Variants in BBX observed in about 807,000 individuals in gnomAD.
The protein encoded by BBX is HMG box transcription factor BBX.
In BBX, 30 loss-of-function variants were observed where a neutral mutation model predicts 100.2. That is an observed-to-expected ratio of 0.30 (90% confidence interval 0.22 to 0.41). The LOEUF is 0.41. Among genes scored for constraint, BBX ranks in the 10% least tolerant of loss-of-function variants. The probability of loss-of-function intolerance (pLI) is 1.00; values close to 1 mark genes in which losing one functional copy is unlikely to be tolerated. For synonymous variants in BBX, 376 were observed against 388.1 expected (o/e 0.97, Z 0.37); for missense variants, 1,023 against 1,129.8 (o/e 0.91, Z 1.35).
chr3:107,635,208 GTTTAC>G (rs765738729), intron 2 of BBX, among the ~76,000 whole-genome samples: 2 of 152,142 alleles, frequency 1.3e-5, no homozygotes, highest in African/African-American at 4.8e-5. Context: ...TATTGATATA[GTTTAC>G]TTTAACTCCT....
chr3:107,762,037 C>A (rs953385850), intron 10 of BBX, among the ~76,000 whole-genome samples: 1 of 152,072 alleles, frequency 6.6e-6, no homozygotes, highest in Non-Finnish European at 1.5e-5. Flanking sequence ...TAAGGGGACC[C>A]GTGTGGTGGG....
chr3:107,538,581 T>C (rs1363622602), intron 2 of BBX, among the ~76,000 whole-genome samples: 1 of 152,144 alleles, frequency 6.6e-6, no homozygotes, highest in African/African-American at 2.4e-5. Context: ...TAGAACTATA[T>C]ATATATTTTT....
intron 3 of BBX, among the ~76,000 whole-genome samples, chr3:107,681,509 T>A (rs2059573162): frequency 6.6e-6 from 1 of 151,808 alleles, no homozygotes; most frequent in South Asian, 2.1e-4. Context: ...GGTGTAGGGG[T>A]CAAAGGGCAG....
At chr3:107,674,037 C>T (rs999437686) in intron 3 of BBX, among the ~76,000 whole-genome samples, 49 of 152,200 alleles carry the variant, frequency 3.2e-4, no homozygotes, top group African/African-American at 1.2e-3. Flanking sequence ...AAAATGCATT[C>T]AAACATATAT....
In BBX at chr3:107,728,688, G is replaced by T. The variant is rs1576533071; in HGVS notation, c.406-77G>T. On this transcript the variant is annotated intron_variant, in intron 5 of 17. Transcript: ENST00000325805. ...TTTTCTCACTTGGTATCTAAATAGGGGAATGGGGTGACAGCCTTTAGAACT... is the reference window on the plus strand; with the variant it reads ...TTTTCTCACTTGGTATCTAAATAGGTGAATGGGGTGACAGCCTTTAGAACT... The T allele has an allele frequency of 2.3e-6, 3 of 1,310,928 alleles. No individual in the cohort carries two copies. In the South Asian group the frequency reaches 4.2e-5, roughly 18 times the overall value. 81.2% of individuals were successfully genotyped at this position (1,310,928 alleles called of 1,614,324 possible). A position where few individuals can be genotyped will look rare whatever the true frequency, so the allele number is the denominator to read the frequency against.
intron 2 of BBX, among the ~76,000 whole-genome samples, chr3:107,631,857 A>G (rs1392276607): frequency 2.6e-5 from 4 of 152,236 alleles, no homozygotes; most frequent in Admixed American, 2.0e-4. Flanking sequence ...GTTACATTAA[A>G]TGTGTTATAT....
At chr3:107,532,154 A>T (rs1452791364) in intron 2 of BBX, among the ~76,000 whole-genome samples, 1 of 151,964 alleles carries the variant, frequency 6.6e-6, no homozygotes, top group Non-Finnish European at 1.5e-5. Flanking sequence ...TGATCGTGTC[A>T]CCGCACTCCA....
chr3:107,635,547 T>C (rs2056797180), intron 2 of BBX, among the ~76,000 whole-genome samples: 1 of 152,160 alleles, frequency 6.6e-6, no homozygotes, highest in African/African-American at 2.4e-5. Context: ...GAGAAACTGA[T>C]ATGTGTAGTA....
In BBX at chr3:107,616,333, AT is replaced by A. The variant is rs147269336; in HGVS notation, c.-83-29499del. 6.8e-3 allele frequency among the ~76,000 whole-genome samples: 1,037 copies of A among 152,172 alleles called. 13 individuals are homozygous for A. The highest frequency in any genetic ancestry group is 0.024 in the African/African-American group (992 of 41,502). ...ATCTGAAACACTTCTGATCTAAAGC[AT>A]TTTGGACATTTTGGAAAAGGGTTAC... On this transcript the variant is annotated intron_variant, in intron 2 of 17. Transcript: ENST00000325805.
At chr3:107,786,125 G>T (rs1204726469) in intron 13 of BBX, among the ~76,000 whole-genome samples, 1 of 151,960 alleles carries the variant, frequency 6.6e-6, no homozygotes, top group Admixed American at 6.6e-5. Context: ...TTTAACAAAA[G>T]AAGTACAGTA....
At chr3:107,622,486 A>G (rs549539113) in intron 2 of BBX, among the ~76,000 whole-genome samples, 2 of 152,334 alleles carry the variant, frequency 1.3e-5, no homozygotes, top group East Asian at 1.9e-4. Flanking sequence ...GCGTGTTTAT[A>G]TAAGAAATAT....
intron 10 of BBX, among the ~76,000 whole-genome samples, chr3:107,756,589 G>A (rs893019568): frequency 6.6e-6 from 1 of 151,870 alleles, no homozygotes; most frequent in African/African-American, 2.4e-5. Flanking sequence ...TAAAACTTAT[G>A]CACTTAAAAT....
intron 3 of BBX, among the ~76,000 whole-genome samples, chr3:107,649,304 A>G (rs557453056): frequency 2.6e-5 from 4 of 151,556 alleles, no homozygotes; most frequent in Admixed American, 2.6e-4. Context: ...TGCATATCTT[A>G]AAAAAAAATA....
chr3:107,687,959 G>T (rs543133714), intron 3 of BBX, among the ~76,000 whole-genome samples: 2 of 152,226 alleles, frequency 1.3e-5, no homozygotes, highest in South Asian at 4.2e-4. Flanking sequence ...GGAGGCTGAG[G>T]CAGGAGAATC....
At chr3:107,680,617 A>G (rs2059523214) in intron 3 of BBX, among the ~76,000 whole-genome samples, 1 of 152,100 alleles carries the variant, frequency 6.6e-6, no homozygotes, top group Non-Finnish European at 1.5e-5. Context: ...TTTATGGGAG[A>G]CCATGTGTGA....
chr3:107,669,794 G>T (rs2058931464), intron 3 of BBX, among the ~76,000 whole-genome samples: 1 of 152,156 alleles, frequency 6.6e-6, no homozygotes, highest in Non-Finnish European at 1.5e-5. Context: ...TCACCATCCT[G>T]TGAAGTAGGC....
chr3:107,722,632 A>G (rs533579678), intron 5 of BBX, among the ~76,000 whole-genome samples: 49 of 152,150 alleles, frequency 3.2e-4, no homozygotes, highest in African/African-American at 1.2e-3. Context: ...TTTCAAGTGT[A>G]TAATTTCTGT....
rs149629200 is a variant in BBX, at chr3:107,801,183, C to G, written c.2640C>G (p.Val880=). ...ACAAATGCTCACACAACACCGAGGT[C>G]GGGGAGACGCGGAGCAGTACTCCAG... ...CNDKCSHNTE[V]GETRSSTPEM... Residue 880 remains valine, a synonymous_variant, in exon 17 of 18, where the codon GTC becomes GTG. Coordinates refer to ENST00000325805, the MANE Select transcript of BBX (RefSeq NM_001142568.3). The G allele has an allele frequency of 6.2e-7, 1 of 1,614,110 alleles. No homozygotes were observed. Among genetic ancestry groups the G allele is most frequent in the Non-Finnish European group, 8.5e-7 (1 of 1,180,002 alleles).
At chr3:107,593,647 A>T (rs182977924) in intron 2 of BBX, among the ~76,000 whole-genome samples, 2 of 152,350 alleles carry the variant, frequency 1.3e-5, no homozygotes, top group Admixed American at 1.3e-4. Context: ...GATGGGAGTC[A>T]TCTGCTCTCT....
Sources: allele counts gnomAD v4.1 joint callset (sites outside exome capture counted in the v4.1 genomes callset), GRCh38; gene constraint gnomAD v4.1.1; transcripts MANE v1.5; gene names NCBI Gene and HGNC (gene_info 2026-07-23, HGNC 2026-07-21).